Variants in DLG2 observed in about 807,000 individuals in gnomAD.
DLG2 encodes the protein discs large MAGUK scaffold protein 2.
Under a neutral mutation model 132.5 loss-of-function variants are expected in DLG2, and 45 were observed. The observed-to-expected ratio is 0.34, with a 90% confidence interval of 0.27 to 0.44. DLG2 has a LOEUF of 0.44. DLG2 is among the 20% of genes least tolerant of loss of function. The pLI is 1.00. For missense variants in DLG2, 1,045 were observed against 1,196.9 expected (o/e 0.87, Z 1.87); for synonymous variants, 424 against 419.6 (o/e 1.01, Z -0.13).
chr11:85,033,450 C>G (rs2061194749), intron 6 of DLG2, among the ~76,000 whole-genome samples: 1 of 147,270 alleles, frequency 6.8e-6, no homozygotes, highest in African/African-American at 2.5e-5. Context: ...TAGAAAGCAA[C>G]TTCATAAAAA....
At chr11:84,907,954 C>A (rs572287307) in intron 6 of DLG2, among the ~76,000 whole-genome samples, 2 of 152,140 alleles carry the variant, frequency 1.3e-5, no homozygotes, top group Non-Finnish European at 2.9e-5. Context: ...GTGTCAAGAT[C>A]CAGGACTACA....
intron 4 of DLG2, among the ~76,000 whole-genome samples, chr11:85,209,880 C>T (rs2082147167): frequency 6.6e-6 from 1 of 152,118 alleles, no homozygotes; most frequent in Non-Finnish European, 1.5e-5. Flanking sequence ...GGTCCTCTGT[C>T]ACACCAAGCA....
intron 6 of DLG2, among the ~76,000 whole-genome samples, chr11:84,556,125 CA>C (rs956775503): frequency 3.3e-5 from 5 of 151,988 alleles, no homozygotes; most frequent in South Asian, 2.1e-4. Context: ...TAAGAAGTAA[CA>C]AAAAAAATGA....
At chr11:85,221,346 C>T (rs763751232) in intron 4 of DLG2, among the ~76,000 whole-genome samples, 22 of 152,144 alleles carry the variant, frequency 1.4e-4, no homozygotes, top group Admixed American at 4.6e-4. Context: ...CATGAGCCAC[C>T]GCTCCCGGCC....
At chr11:85,619,019 C>T (rs2081526706) in intron 2 of DLG2, among the ~76,000 whole-genome samples, 1 of 152,188 alleles carries the variant, frequency 6.6e-6, no homozygotes, top group South Asian at 2.1e-4. Flanking sequence ...TCTACGTCTT[C>T]CTCACTAAGT....
chr11:84,840,216 G>T (rs1411815962), intron 6 of DLG2, among the ~76,000 whole-genome samples: 1 of 152,148 alleles, frequency 6.6e-6, no homozygotes, highest in Non-Finnish European at 1.5e-5. Flanking sequence ...AGACGTTTAT[G>T]CAGCCAACAG....
intron 6 of DLG2, among the ~76,000 whole-genome samples, chr11:85,109,537 T>C (rs2072362520): frequency 6.6e-6 from 1 of 152,086 alleles, no homozygotes; most frequent in Non-Finnish European, 1.5e-5. Context: ...AGATGAACGA[T>C]TTATAATAAT....
chr11:84,354,252 G>C (rs7123236), intron 7 of DLG2, among the ~76,000 whole-genome samples: 8,341 of 152,068 alleles, frequency 0.055, 766 homozygotes, highest in African/African-American at 0.19. Flanking sequence ...GTCAACTCTG[G>C]GTTAAACTAC....
Position 83,471,383 on chromosome 11 carries a change from C to G in DLG2, c.2446+243G>C, listed in dbSNP as rs577459808. Among the ~76,000 whole-genome samples the G allele has an allele frequency of 1.2e-4, 18 of 152,130 alleles. No individual in the cohort carries two copies. In the South Asian group the frequency reaches 2.3e-3, roughly 19 times the overall value. ...TGGGGGCCACAAAAATTCATCCTGC[C>G]TTTTAAGGGGCTACAATCAGTTTAG... On this transcript the variant is annotated intron_variant, in intron 24 of 27. Transcript: ENST00000376104.
intron 21 of DLG2, among the ~76,000 whole-genome samples, chr11:83,525,288 G>C (rs1336153782): frequency 6.6e-6 from 1 of 152,166 alleles, no homozygotes; most frequent in Admixed American, 6.5e-5. Context: ...ATCTTGATCA[G>C]ACAGTTATCT....
At chr11:84,413,555 T>A (rs1026525836) in intron 7 of DLG2, among the ~76,000 whole-genome samples, 6 of 152,152 alleles carry the variant, frequency 3.9e-5, no homozygotes, top group East Asian at 1.9e-4. Context: ...GCAAGACACA[T>A]GAAGCATTCA....
At chr11:85,355,651 G>A (rs905810483) in intron 3 of DLG2, among the ~76,000 whole-genome samples, 4 of 152,082 alleles carry the variant, frequency 2.6e-5, no homozygotes, top group African/African-American at 9.7e-5. Context: ...AAAGACAAAA[G>A]GACTAATTTT....
chr11:85,357,238 T>TTGTGTGTGTGTGTGTGTGTG (rs71036472), intron 3 of DLG2, among the ~76,000 whole-genome samples: 1 of 118,128 alleles, frequency 8.5e-6, no homozygotes, highest in Non-Finnish European at 1.8e-5. Context: ...AATATCCTCT[T>TTGTGTGTGTGTGTGTGTGTG]TGTGTGTGTG....
intron 6 of DLG2, among the ~76,000 whole-genome samples, chr11:84,925,120 C>A (rs552920766): frequency 2.6e-5 from 4 of 152,072 alleles, no homozygotes; most frequent in African/African-American, 7.2e-5. Context: ...GAATAAGTAC[C>A]ATTTTTTTCC....
At chr11:85,050,927 G>T (rs143098535) in intron 6 of DLG2, among the ~76,000 whole-genome samples, 1 of 151,736 alleles carries the variant, frequency 6.6e-6, no homozygotes, top group African/African-American at 2.4e-5. Context: ...TCCCTTTTTC[G>T]TCTAGCTGGG....
At chr11:83,633,488 A>G (rs889580147) in intron 18 of DLG2, among the ~76,000 whole-genome samples, 163 bp from the exon 19 acceptor site, 4 of 152,150 alleles carry the variant, frequency 2.6e-5, no homozygotes, top group Admixed American at 1.3e-4. Context: ...TTATTCACAG[A>G]CATTTATAAG....
At chr11:84,848,648 T>A (rs908843058) in intron 6 of DLG2, among the ~76,000 whole-genome samples, 3 of 152,190 alleles carry the variant, frequency 2.0e-5, no homozygotes, top group Non-Finnish European at 4.4e-5. Context: ...CCCTGGTTCA[T>A]AGTTCTATAG....
At chr11:85,320,678 T>C (rs2081000908) in intron 3 of DLG2, among the ~76,000 whole-genome samples, 1 of 151,844 alleles carries the variant, frequency 6.6e-6, no homozygotes, top group Admixed American at 6.6e-5. Context: ...AGGTGAAAAG[T>C]AGACAGACAC....
At chr11:84,069,298 T>C (rs2096722537) in intron 10 of DLG2, among the ~76,000 whole-genome samples, 1 of 152,208 alleles carries the variant, frequency 6.6e-6, no homozygotes, top group Non-Finnish European at 1.5e-5. Context: ...CAATCTTATG[T>C]AGACCCAACT....
Sources: gnomAD v4.1 joint callset for allele counts (sites outside exome capture counted in the v4.1 genomes callset) on GRCh38, gnomAD v4.1.1 for gene constraint, MANE v1.5 for transcripts, NCBI Gene and HGNC (gene_info 2026-07-23, HGNC 2026-07-21) for gene names.